ZSCAN2: variants seen among roughly 807,000 people sequenced by gnomAD.
The protein encoded by ZSCAN2 is zinc finger and SCAN domain-containing protein 2.
In ZSCAN2, 26 loss-of-function variants were observed where a neutral mutation model predicts 47.8. The ratio of observed to expected loss-of-function variants is 0.54; its 90% confidence interval spans 0.40 to 0.75. ZSCAN2 has a LOEUF of 0.75. Ranked by LOEUF, ZSCAN2 falls within the 30% of genes least tolerant of loss-of-function variation. The probability of loss-of-function intolerance (pLI) is 0.00; values close to 1 mark genes in which losing one functional copy is unlikely to be tolerated. For missense variants in ZSCAN2, 732 were observed against 785.4 expected, an observed-to-expected ratio of 0.93 and a Z score of 0.81; for synonymous variants, 305 against 288.7, an observed-to-expected ratio of 1.06 and a Z score of -0.57.
At chr15:84,607,533 C>T (rs1268390697) in intron 2 of ZSCAN2, among the ~76,000 whole-genome samples, 11 of 151,678 alleles carry the variant, frequency 7.3e-5, no homozygotes, top group Admixed American at 1.3e-4. Context: ...TTTTTTGAGA[C>T]GGTCTTTCTA....
At chr15:84,606,520 A>G (rs772072204) in intron 2 of ZSCAN2, 210 of 1,600,668 alleles carry the variant, frequency 1.3e-4, no homozygotes, top group Non-Finnish European at 1.7e-4. Flanking sequence ...CTGTCTCCCT[A>G]TTTTACAGCT....
At chr15:84,605,688 A>G (rs1229066648) in intron 2 of ZSCAN2, among the ~76,000 whole-genome samples, 1 of 152,218 alleles carries the variant, frequency 6.6e-6, no homozygotes, top group Non-Finnish European at 1.5e-5. Context: ...GTTTGGCAAC[A>G]GGATGTAGGT....
At chr15:84,602,844 C>T (rs931144830) in intron 1 of ZSCAN2, among the ~76,000 whole-genome samples, 1 of 152,110 alleles carries the variant, frequency 6.6e-6, no homozygotes, top group Non-Finnish European at 1.5e-5. Context: ...CTGCCGAGGC[C>T]TCCCAAAGTG....
chr15:84,621,111 T>C lies in ZSCAN2; in HGVS notation c.916T>C (p.Phe306Leu). 6.2e-7 allele frequency: 1 copy of C among 1,614,004 alleles called. No individual in the cohort carries two copies. Reference sequence around the variant, plus strand: ...GAGGATCCACACGGGGGAAAAGCCCTTCCAGTGTGCCGAGTGTGGCAAGAG... The same window carrying C: ...GAGGATCCACACGGGGGAAAAGCCCCTCCAGTGTGCCGAGTGTGGCAAGAG... ...HQRIHTGEKP[F>L]QCAECGKSFS... is the part of the protein sequence containing the mutation. Residue 306 changes from phenylalanine to leucine, a missense_variant, in exon 3 of 3, where the codon TTC becomes CTC. Coordinates refer to ENST00000546148, the MANE Select transcript of ZSCAN2 (RefSeq NM_181877.4). This position sits in a 1 kb window ranked among gnomAD's most constrained non-coding sequence, Gnocchi z 5.7.
intron 2 of ZSCAN2, among the ~76,000 whole-genome samples, chr15:84,614,194 G>T (rs1291343168): frequency 1.3e-5 from 2 of 151,426 alleles, no homozygotes; most frequent in Non-Finnish European, 2.9e-5. Context: ...TCTTGGCTGT[G>T]TTGCTCAGGC....
chr15:84,618,631 G>C (rs1041527014), intron 2 of ZSCAN2, among the ~76,000 whole-genome samples: 5 of 149,898 alleles, frequency 3.3e-5, no homozygotes, highest in African/African-American at 1.2e-4. Flanking sequence ...GCGTGATCTT[G>C]GCTCACCAAA....
chr15:84,606,777 G>A, intron 2 of ZSCAN2: 1 of 1,355,010 alleles, frequency 7.4e-7, no homozygotes, highest in Non-Finnish European at 9.5e-7. Flanking sequence ...CCTGAGATGG[G>A]AACCAATGGG....
At chr15:84,614,851 G>A (rs1177521748) in intron 2 of ZSCAN2, 5 of 152,122 alleles carry the variant, frequency 3.3e-5, no homozygotes, top group African/African-American at 9.7e-5. Context: ...TCCTTTTGCT[G>A]TTGTCCACTG....
rs1332826052 is a variant in ZSCAN2, at chr15:84,622,582, A to T, written c.*542A>T. 1 of 716,758 alleles carries T rather than the reference A, an allele frequency of 1.4e-6. No individual in the cohort carries two copies. The highest frequency in any genetic ancestry group is 2.6e-6 in the Non-Finnish European group (1 of 384,836). The allele number at this position is 716,758 out of a possible 1,614,324, so 44.4% of individuals were successfully genotyped here. On this transcript the variant is annotated 3_prime_UTR_variant, in exon 3 of 3. Transcript: ENST00000546148. ...TGTCTTGGGCTTTGATTTCAGGTCA[A>T]GATGGAGGGGCTTCTCCAGTTCTGA... is the stretch of plus-strand genomic sequence containing the variant.
rs1239238542 is a variant in ZSCAN2 at position 84,622,636 on chromosome 15, C to G, written c.*596C>G. On this transcript the variant is annotated 3_prime_UTR_variant, in exon 3 of 3. Coordinates refer to ENST00000546148, the MANE Select transcript of ZSCAN2 (RefSeq NM_181877.4). ...ACCCACGTGAAGGTAAAGACCCTTTCTATTTCCAGAAAGTGTCAGGAGCAC... is the reference window on the plus strand; with the variant it reads ...ACCCACGTGAAGGTAAAGACCCTTTGTATTTCCAGAAAGTGTCAGGAGCAC... The G allele has an allele frequency of 4.2e-6, 3 of 717,364 alleles. No individual in the cohort carries two copies. The highest frequency in any genetic ancestry group is 2.0e-5 in the Admixed American group (1 of 49,992). The allele number at this position is 717,364 out of a possible 1,614,324, so 44.4% of individuals were successfully genotyped here.
In ZSCAN2 at chr15:84,621,871, G is replaced by A; in HGVS notation, c.1676G>A (p.Arg559Lys). 1.9e-6 allele frequency: 3 copies of A among 1,614,090 alleles called. No individual in the cohort carries two copies. Among genetic ancestry groups the A allele is most frequent in the East Asian group, 4.5e-5 (2 of 44,874 alleles). Residue 559 changes from arginine to lysine, a missense_variant, in exon 3 of 3, where the codon AGG (arginine) becomes AAG (lysine). Arg to Lys is a conservative substitution (Grantham distance 26). Coordinates refer to ENST00000546148, the MANE Select transcript of ZSCAN2 (RefSeq NM_181877.4). This position sits in a 1 kb window ranked among gnomAD's most constrained non-coding sequence, Gnocchi z 5.7. ...GCCCATTTGGGAGACAAGCCCTACAGGTGCCCTGAGTGTGGGAAAGGCTTT... is the reference window on the plus strand; with the variant it reads ...GCCCATTTGGGAGACAAGCCCTACAAGTGCCCTGAGTGTGGGAAAGGCTTT... ...QRAHLGDKPY[R>K]CPECGKGFSW...
chr15:84,619,337 A>G (rs541120309), intron 2 of ZSCAN2, among the ~76,000 whole-genome samples: 56 of 152,064 alleles, frequency 3.7e-4, no homozygotes, highest in Non-Finnish European at 5.7e-4. Context: ...GGCTGAGGCA[A>G]GAGAATGGCG....
At chr15:84,603,679 A>AT in intron 1 of ZSCAN2, 141 bp from the exon 2 acceptor site, 2 of 412,856 alleles carry the variant, frequency 4.8e-6, no homozygotes, top group South Asian at 4.1e-5. Flanking sequence ...GGAATAAGCC[A>AT]TTTTTTCTTT....
chr15:84,618,139 C>T (rs1293996839), intron 2 of ZSCAN2, among the ~76,000 whole-genome samples: 19 of 152,056 alleles, frequency 1.2e-4, no homozygotes, highest in Non-Finnish European at 2.5e-4. Context: ...ACTAGGAGTT[C>T]GAGCGCGATA....
rs894772292 is a variant in ZSCAN2 at position 84,619,175 on chromosome 15, T to C, written c.407-1427T>C. Among the ~76,000 whole-genome samples, 5 of 152,188 alleles carry C rather than the reference T, an allele frequency of 3.3e-5. No individual in the cohort carries two copies. In the East Asian group the frequency reaches 5.8e-4, roughly 18 times the overall value. On this transcript the variant is annotated intron_variant, in intron 2 of 2. Transcript: ENST00000546148. Reference sequence around the variant, plus strand: ...GGCTGGGCGCGGTGGCTCACGCCTGTAATCCCAGCACTTTGGGAGGCCGAG... The same window carrying C: ...GGCTGGGCGCGGTGGCTCACGCCTGCAATCCCAGCACTTTGGGAGGCCGAG...
intron 2 of ZSCAN2, among the ~76,000 whole-genome samples, chr15:84,619,828 G>A (rs901610453): frequency 6.6e-6 from 1 of 152,028 alleles, no homozygotes; most frequent in Non-Finnish European, 1.5e-5. Context: ...CAGGTAGTGG[G>A]GACATGGAAC....
At chr15:84,617,529 C>T (rs920961452) in intron 2 of ZSCAN2, among the ~76,000 whole-genome samples, 3 of 151,742 alleles carry the variant, frequency 2.0e-5, no homozygotes, top group African/African-American at 7.3e-5. Context: ...CTGTATCTGT[C>T]CCCTAGTGAT....
At position 84,604,173 on chromosome 15, in the gene ZSCAN2, G is replaced by T. The variant is rs367952499; in HGVS notation, c.246G>T (p.Glu82Asp). ...GPQGALGRLR[E>D]LCRRWLRPEV... ...AGGGTGCACTCGGCCGCCTCCGAGAGCTCTGCCGGCGCTGGCTGAGACCAG... is the reference window on the plus strand; with the variant it reads ...AGGGTGCACTCGGCCGCCTCCGAGATCTCTGCCGGCGCTGGCTGAGACCAG... Residue 82 changes from glutamate (E) to aspartate (D), a missense_variant, in exon 2 of 3, where the codon GAG becomes GAT. Physicochemically the swap from Glu to Asp is conservative, Grantham distance 45. Transcript: ENST00000546148. The T allele has an allele frequency of 1.8e-5, 29 of 1,613,676 alleles. No individual in the cohort carries two copies. Among genetic ancestry groups the T allele is most frequent in the Non-Finnish European group, 2.4e-5 (28 of 1,179,842 alleles).
rs754528042 is a variant in ZSCAN2, at chr15:84,603,945, C to A, written c.18C>A (p.Ile6=). 7 of 1,613,520 alleles carry A rather than the reference C, an allele frequency of 4.3e-6. No homozygotes were observed. The South Asian group carries it at 7.7e-5, about 18-fold the overall frequency. Residue 6 remains isoleucine (I), a synonymous_variant, in exon 2 of 3, where the codon ATC becomes ATA. Coordinates refer to ENST00000546148, the MANE Select transcript of ZSCAN2 (RefSeq NM_181877.4). MMAAD[I]PRVTTPLSSL... ...GACTGTGGATGATGGCTGCAGACAT[C>A]CCGAGAGTGACCACTCCGCTGAGCT...
Sources: allele counts gnomAD v4.1 joint callset (sites outside exome capture counted in the v4.1 genomes callset), GRCh38; gene constraint gnomAD v4.1.1; non-coding constraint Gnocchi (gnomAD v3.1); transcripts MANE v1.5; gene names NCBI Gene and HGNC (gene_info 2026-07-23, HGNC 2026-07-21).